Variants in GRIA4 observed in about 807,000 individuals in gnomAD.
GRIA4 encodes glutamate ionotropic receptor AMPA type subunit 4, also known as glutamate receptor 4.
In GRIA4, 34 loss-of-function variants were observed where a neutral mutation model predicts 104.0. The observed-to-expected ratio is 0.33, with a 90% CI of 0.25 to 0.44. GRIA4 has a LOEUF of 0.44. Ranked by LOEUF, GRIA4 falls within the 20% of genes least tolerant of loss-of-function variation. GRIA4 has a pLI of 1.00. For missense variants in GRIA4, 750 were observed against 1,096.5 expected (o/e 0.68, Z 4.46); for synonymous variants, 386 against 381.9 (o/e 1.01, Z -0.13).
At chr11:105,619,076 GA>G (rs35180533) in intron 3 of GRIA4, among the ~76,000 whole-genome samples, 143,992 of 149,196 alleles carry the variant, frequency 0.97, 69,623 homozygotes, top group Non-Finnish European at 1. Flanking sequence ...TATATGACCA[GA>G]AAAAAAAAAA....
intron 6 of GRIA4, among the ~76,000 whole-genome samples, chr11:105,888,917 GTGTT>G (rs889389252): frequency 1.3e-5 from 2 of 151,722 alleles, no homozygotes; most frequent in African/African-American, 4.9e-5. Context: ...TTTTAGTAGA[GTGTT>G]TCACTATTTT....
intron 10 of GRIA4, among the ~76,000 whole-genome samples, chr11:105,911,261 C>T (rs1416672229): frequency 1.3e-5 from 2 of 151,908 alleles, no homozygotes; most frequent in Admixed American, 6.6e-5. Flanking sequence ...TTTAAGGCTG[C>T]TTTTTCAAAG....
intron 3 of GRIA4, among the ~76,000 whole-genome samples, chr11:105,749,427 G>A (rs1247993508): frequency 2.0e-5 from 3 of 152,154 alleles, no homozygotes; most frequent in Admixed American, 1.3e-4. Flanking sequence ...AACTTCTTAA[G>A]AGGTGGAAAA....
At chr11:105,809,649 C>T (rs192803680) in intron 4 of GRIA4, among the ~76,000 whole-genome samples, 2 of 152,182 alleles carry the variant, frequency 1.3e-5, no homozygotes, top group East Asian at 3.9e-4. Flanking sequence ...CTTCACTCTC[C>T]TCTCTCTTGG....
At chr11:105,703,552 A>G (rs73627695) in intron 3 of GRIA4, among the ~76,000 whole-genome samples, 1,668 of 152,320 alleles carry the variant, frequency 0.011, 35 homozygotes, top group African/African-American at 0.037. Flanking sequence ...TATTACAACT[A>G]TGTTAAAGCT....
intron 14 of GRIA4, among the ~76,000 whole-genome samples, chr11:105,955,981 C>A (rs1302356551): frequency 6.6e-6 from 1 of 151,992 alleles, no homozygotes; most frequent in East Asian, 1.9e-4. Context: ...TTGTTTTTCT[C>A]TTGTAAATTT....
At chr11:105,744,254 G>A (rs1162158992) in intron 3 of GRIA4, among the ~76,000 whole-genome samples, 1 of 152,160 alleles carries the variant, frequency 6.6e-6, no homozygotes, top group East Asian at 1.9e-4. Flanking sequence ...TTAACACAGT[G>A]ACTGAAATAA....
chr11:105,643,357 T>C (rs554774055), intron 3 of GRIA4, among the ~76,000 whole-genome samples: 2 of 152,336 alleles, frequency 1.3e-5, no homozygotes, highest in African/African-American at 4.8e-5. Context: ...GAAGATCCTA[T>C]AGGATTCCTT....
chr11:105,669,938 C>G (rs376632787), intron 3 of GRIA4, among the ~76,000 whole-genome samples: 1 of 152,038 alleles, frequency 6.6e-6, no homozygotes, highest in African/African-American at 2.4e-5. Flanking sequence ...GACATCTAGG[C>G]TTCTATACCC....
chr11:105,680,618 G>A (rs1952678774), intron 3 of GRIA4, among the ~76,000 whole-genome samples: 1 of 152,080 alleles, frequency 6.6e-6, no homozygotes, highest in Non-Finnish European at 1.5e-5. Context: ...TATGACTGTG[G>A]TCTGTAATGG....
intron 12 of GRIA4, among the ~76,000 whole-genome samples, chr11:105,925,510 A>G (rs1449858526): frequency 6.6e-6 from 1 of 152,156 alleles, no homozygotes; most frequent in East Asian, 1.9e-4. Flanking sequence ...ATTGTTGACT[A>G]TATATTAGCA....
chr11:105,881,866 T>C (rs1946076155), intron 5 of GRIA4, among the ~76,000 whole-genome samples: 1 of 149,392 alleles, frequency 6.7e-6, no homozygotes, highest in Non-Finnish European at 1.5e-5. Flanking sequence ...TTTTTTGGGG[T>C]CTGAAGTACT....
chr11:105,957,542 T>C (rs949426312), intron 14 of GRIA4, among the ~76,000 whole-genome samples: 33 of 152,156 alleles, frequency 2.2e-4, no homozygotes, highest in African/African-American at 6.8e-4. Flanking sequence ...AGTCAGGTAG[T>C]GTGATGCCTC....
chr11:105,696,200 A>G (rs1468086704), intron 3 of GRIA4, among the ~76,000 whole-genome samples: 1 of 152,008 alleles, frequency 6.6e-6, no homozygotes, highest in African/African-American at 2.4e-5. Context: ...TTCCTCTTTC[A>G]AGCTTCCCCT....
intron 4 of GRIA4, among the ~76,000 whole-genome samples, chr11:105,814,591 G>A (rs570323849): frequency 2.0e-5 from 3 of 151,996 alleles, no homozygotes; most frequent in African/African-American, 7.2e-5. Context: ...ATGAGAAAAC[G>A]TATATAAAAT....
intron 3 of GRIA4, among the ~76,000 whole-genome samples, chr11:105,615,748 C>G (rs1026527187): frequency 1.3e-5 from 2 of 151,720 alleles, no homozygotes; most frequent in African/African-American, 4.8e-5. Flanking sequence ...CATCACAAAA[C>G]ATTTGAGATA....
intron 3 of GRIA4, among the ~76,000 whole-genome samples, chr11:105,642,278 C>G (rs1951387027): frequency 6.6e-6 from 1 of 151,976 alleles, no homozygotes; most frequent in African/African-American, 2.4e-5. Flanking sequence ...GAAAGGTGGT[C>G]AGTAGGCAAG....
intron 4 of GRIA4, among the ~76,000 whole-genome samples, chr11:105,808,399 A>G (rs537224360): frequency 7.9e-5 from 12 of 152,206 alleles, no homozygotes; most frequent in Middle Eastern, 3.4e-3. Flanking sequence ...GAGAAGAGAG[A>G]GAAAAGGCAA....
At chr11:105,629,238 A>T (rs1047938951) in intron 3 of GRIA4, among the ~76,000 whole-genome samples, 1 of 149,948 alleles carries the variant, frequency 6.7e-6, no homozygotes, top group African/African-American at 2.4e-5. Context: ...GTCTCTAAGA[A>T]AATAAACTAA....
Sources: gnomAD v4.1 joint callset for allele counts (sites outside exome capture counted in the v4.1 genomes callset) on GRCh38, gnomAD v4.1.1 for gene constraint, MANE v1.5 for transcripts, NCBI Gene and HGNC (gene_info 2026-07-23, HGNC 2026-07-21) for gene names.